The following CFAP54 variants were observed in gnomAD, a reference collection of about 807,000 sequenced individuals.
CFAP54 encodes the protein cilia- and flagella-associated protein 54.
CFAP54 carries 290 observed loss-of-function variants against 370.4 expected under a neutral mutation model. The ratio of observed to expected loss-of-function variants is 0.78; its 90% CI spans 0.71 to 0.86. CFAP54 has a LOEUF of 0.86. Among genes scored for constraint, CFAP54 ranks in the 40% least tolerant of loss-of-function variants. The pLI, the probability that CFAP54 is intolerant of heterozygous loss-of-function variation, is 0.00. For missense variants in CFAP54, 3,399 were observed against 3,528.7 expected, an observed-to-expected ratio of 0.96 and a Z score of 0.93; for synonymous variants, 1,206 against 1,236.5, an observed-to-expected ratio of 0.98 and a Z score of 0.52.
intron 63 of CFAP54, among the ~76,000 whole-genome samples, chr12:96,795,445 A>G (rs970422352): frequency 2.0e-5 from 3 of 151,952 alleles, no homozygotes; most frequent in Admixed American, 1.3e-4. Flanking sequence ...GTCCTTGGGC[A>G]GGGCTTGCTG....
intron 5 of CFAP54, among the ~76,000 whole-genome samples, chr12:96,517,630 G>A (rs1955251983): frequency 6.6e-6 from 1 of 152,182 alleles, no homozygotes; most frequent in African/African-American, 2.4e-5. Context: ...AGTTCACAAA[G>A]TTCACAACAA....
intron 39 of CFAP54, among the ~76,000 whole-genome samples, chr12:96,679,138 T>C (rs2136546558): frequency 6.6e-6 from 1 of 152,284 alleles, no homozygotes; most frequent in South Asian, 2.1e-4. Context: ...TCCTTTCCTC[T>C]GCACCTTTCA....
intron 38 of CFAP54, among the ~76,000 whole-genome samples, chr12:96,660,462 A>G (rs536342365): frequency 6.6e-6 from 1 of 152,246 alleles, no homozygotes; most frequent in African/African-American, 2.4e-5. Flanking sequence ...GAATTTTGTA[A>G]TTACATCTGC....
At position 96,553,570 on chromosome 12, in the gene CFAP54, T is replaced by TTA. The variant is rs578030091; in HGVS notation, c.2155-601_2155-600dup. Reference sequence around the variant, plus strand: ...AATATATGTATAGTAATATATATAGTTATATATATATAACATGCATATATC... The same window carrying TTA: ...AATATATGTATAGTAATATATATAGTTATATATATATATAACATGCATATATC... On this transcript the variant is annotated intron_variant, in intron 15 of 67. Coordinates refer to ENST00000524981, the MANE Select transcript of CFAP54 (RefSeq NM_001306084.2). Among the ~76,000 whole-genome samples, 622 of 143,048 alleles carry TTA rather than the reference T, an allele frequency of 4.3e-3. 4 individuals carry two copies. The highest frequency in any genetic ancestry group is 0.014 in the African/African-American group (532 of 37,356). 93.8% of individuals were successfully genotyped at this position (143,048 alleles called of 152,430 possible).
Position 96,659,099 on chromosome 12 carries a change from A to G in CFAP54, c.5460+753A>G, listed in dbSNP as rs1592693502. ...CAATGGCACGGTCTCGGCTCACTGC[A>G]GCCTCCGCCTCCCAGGTTCCTGCGT... On this transcript the variant is annotated intron_variant, in intron 38 of 67. Transcript: ENST00000524981. Among the ~76,000 whole-genome samples, 4 of 152,160 alleles carry G rather than the reference A, an allele frequency of 2.6e-5. No homozygotes were observed. In the South Asian group the frequency reaches 8.3e-4, roughly 32 times the overall value.
chr12:96,554,705 C>A lies in CFAP54; in HGVS notation c.2313C>A (p.Tyr771Ter). The A allele has an allele frequency of 6.5e-7, 1 of 1,534,286 alleles. No individual in the cohort carries two copies. The highest frequency in any genetic ancestry group is 8.7e-7 in the Non-Finnish European group (1 of 1,145,762). ...KRTHHIDGDT[Y>*]KPLASNSFMM... is the part of the protein sequence containing the mutation. ...CCCACCATATAGATGGAGATACTTA[C>A]AAACCACTTGCCTCAAATAGTTTCA... is the stretch of plus-strand genomic sequence containing the variant. The change falls in exon 17 of 68, where the codon TAC becomes TAA. Residue 771 changes from tyrosine to a stop codon, truncating the protein, a stop_gained. Coordinates refer to ENST00000524981, the MANE Select transcript of CFAP54 (RefSeq NM_001306084.2). LOFTEE classifies it high-confidence loss of function.
intron 46 of CFAP54, among the ~76,000 whole-genome samples, chr12:96,700,843 A>AGT (rs111584166): frequency 0.019 from 2,944 of 152,094 alleles, 108 homozygotes; most frequent in African/African-American, 0.067. Flanking sequence ...CCTGGGAGAG[A>AGT]GTGTGTGTGT....
chr12:96,868,808 T>C (rs145082456), intron 67 of CFAP54, among the ~76,000 whole-genome samples: 7 of 152,244 alleles, frequency 4.6e-5, no homozygotes, highest in African/African-American at 1.7e-4. Flanking sequence ...GAGTCAACCA[T>C]AGATTGGCTG....
chr12:96,857,230 C>G (rs1258393850), intron 66 of CFAP54, among the ~76,000 whole-genome samples: 1 of 152,210 alleles, frequency 6.6e-6, no homozygotes, highest in Non-Finnish European at 1.5e-5. Context: ...AGTGGGGACA[C>G]AGCCAAACCT....
Position 96,564,778 on chromosome 12 carries a change from C to A in CFAP54, c.2619+13C>A. ...GGAACTTTTGATGGTAACAGTATTTCATTTCTTCTTTTAATCCTGACATAA... is the reference window on the plus strand; with the variant it reads ...GGAACTTTTGATGGTAACAGTATTTAATTTCTTCTTTTAATCCTGACATAA... On this transcript the variant is annotated intron_variant, in intron 19 of 67. Transcript: ENST00000524981. 1.7e-6 allele frequency: 1 copy of A among 583,528 alleles called. No homozygotes were observed. The highest frequency in any genetic ancestry group is 2.3e-5 in the South Asian group (1 of 44,290). 36.1% of individuals were successfully genotyped at this position (583,528 alleles called of 1,614,324 possible).
intron 39 of CFAP54, among the ~76,000 whole-genome samples, chr12:96,671,996 AAAAG>A (rs1187230750): frequency 3.3e-5 from 5 of 152,056 alleles, no homozygotes; most frequent in African/African-American, 9.7e-5. Context: ...GAAAGAAAGA[AAAAG>A]AAAGAAAGAA....
chr12:96,523,557 C>G (rs1203736937), intron 8 of CFAP54, among the ~76,000 whole-genome samples: 2 of 152,156 alleles, frequency 1.3e-5, no homozygotes, highest in Non-Finnish European at 2.9e-5. Flanking sequence ...GAGCTATATC[C>G]CTTACTAACC....
intron 6 of CFAP54, among the ~76,000 whole-genome samples, chr12:96,521,503 CGTGTGTGTGTGTGT>C (rs10554608): frequency 4.7e-4 from 61 of 129,676 alleles, no homozygotes; most frequent in Admixed American, 2.0e-3. Flanking sequence ...CAACTGAGGA[CGTGTGTGTGTGTGT>C]GTGTGTGTGT....
At chr12:96,870,149 T>C (rs1960118457) in intron 67 of CFAP54, among the ~76,000 whole-genome samples, 1 of 151,586 alleles carries the variant, frequency 6.6e-6, no homozygotes, top group Non-Finnish European at 1.5e-5. Context: ...TAGTCGCAGC[T>C]ACTCTGGAGG....
At chr12:96,603,562 G>A (rs1053612917) in intron 26 of CFAP54, among the ~76,000 whole-genome samples, 6 of 152,276 alleles carry the variant, frequency 3.9e-5, no homozygotes, top group African/African-American at 1.2e-4. Flanking sequence ...TTCCAACTTC[G>A]TTCCATTCTC....
At chr12:96,702,239 AG>A (rs58544764) in intron 46 of CFAP54, among the ~76,000 whole-genome samples, 108,455 of 151,922 alleles carry the variant, frequency 0.71, 39,644 homozygotes, top group African/African-American at 0.87. Context: ...GTTAAGTATG[AG>A]ACATGTTAAG....
chr12:96,799,551 A>G (rs946779751), intron 63 of CFAP54, among the ~76,000 whole-genome samples: 3 of 152,130 alleles, frequency 2.0e-5, no homozygotes, highest in Non-Finnish European at 4.4e-5. Context: ...TGGCCCCTTC[A>G]TTCTGCTACC....
At chr12:96,578,995 G>A (rs771134689) in intron 20 of CFAP54, among the ~76,000 whole-genome samples, 1 of 152,010 alleles carries the variant, frequency 6.6e-6, no homozygotes, top group Non-Finnish European at 1.5e-5. Context: ...AAAATATAAA[G>A]CCTGCTTGTA....
intron 20 of CFAP54, among the ~76,000 whole-genome samples, chr12:96,578,460 C>T (rs1215798163): frequency 6.6e-6 from 1 of 152,180 alleles, no homozygotes; most frequent in East Asian, 1.9e-4. Context: ...GAACTAAGAC[C>T]ACGTGCTTTA....
Sources: gnomAD v4.1 joint callset for allele counts (sites outside exome capture counted in the v4.1 genomes callset) on GRCh38, gnomAD v4.1.1 for gene constraint, MANE v1.5 for transcripts, NCBI Gene and HGNC (gene_info 2026-07-23, HGNC 2026-07-21) for gene names.